LAMP5: variants seen among roughly 807,000 people sequenced by gnomAD.
LAMP5 encodes lysosome-associated membrane glycoprotein 5.
Under a neutral mutation model 30.2 loss-of-function variants are expected in LAMP5, and 36 were observed. The ratio of observed to expected loss-of-function variants is 1.19; its 90% CI spans 0.91 to 1.57. The LOEUF (loss-of-function observed/expected upper bound fraction) is 1.57. Ranked by LOEUF, LAMP5 falls within the 40% of genes most tolerant of loss-of-function variation. The pLI, the probability that LAMP5 is intolerant of heterozygous loss-of-function variation, is 0.00. For missense variants in LAMP5, 377 were observed against 354.9 expected (o/e 1.06, Z -0.50); for synonymous variants, 149 against 134.6 (o/e 1.11, Z -0.74).
chr20:9,518,011 C>G (rs763754684), intron 4 of LAMP5, 29 bp from the exon 5 acceptor site: 1 of 1,506,450 alleles, frequency 6.6e-7, no homozygotes, highest in South Asian at 1.1e-5. Context: ...AATGAGGGTT[C>G]TAACTATTGC....
intron 2 of LAMP5, 133 bp downstream of exon 2, chr20:9,515,758 C>A: frequency 1.9e-6 from 2 of 1,058,946 alleles, no homozygotes; most frequent in Non-Finnish European, 2.8e-6. Flanking sequence ...CCGAATGCTG[C>A]ATGGGGATTC....
At chr20:9,517,769 T>C (rs905991615) in intron 4 of LAMP5, among the ~76,000 whole-genome samples, 2 of 152,178 alleles carry the variant, frequency 1.3e-5, no homozygotes, top group Non-Finnish European at 2.9e-5. Flanking sequence ...CTAGGTTTTA[T>C]ACAGTAACAA....
At chr20:9,524,616 A>C (rs986074776) in intron 5 of LAMP5, among the ~76,000 whole-genome samples, 1 of 135,510 alleles carries the variant, frequency 7.4e-6, no homozygotes, top group African/African-American at 3.0e-5. Flanking sequence ...AAAAAAAAAA[A>C]CAAACAAAAA....
At chr20:9,515,359 C>A in intron 1 of LAMP5, 94 bp from the exon 2 acceptor site, 2 of 1,243,844 alleles carry the variant, frequency 1.6e-6, no homozygotes, top group Non-Finnish European at 2.3e-6. Flanking sequence ...AACTTTGTCA[C>A]TCCAAAGCCT....
chr20:9,528,322 G>GTGTGCA (rs1555892020), intron 5 of LAMP5, among the ~76,000 whole-genome samples: 2 of 73,062 alleles, frequency 2.7e-5, no homozygotes, highest in African/African-American at 1.9e-4. Flanking sequence ...GTGTGTGTGT[G>GTGTGCA]CGTGTGTGTG....
At chr20:9,521,826 G>GA (rs1173477468) in intron 5 of LAMP5, among the ~76,000 whole-genome samples, 5 of 152,112 alleles carry the variant, frequency 3.3e-5, no homozygotes, top group Non-Finnish European at 7.4e-5. Flanking sequence ...TATTATGTCA[G>GA]AAAAAATATA....
intron 5 of LAMP5, among the ~76,000 whole-genome samples, chr20:9,518,733 C>G (rs974312561): frequency 6.6e-6 from 1 of 152,226 alleles, no homozygotes; most frequent in Non-Finnish European, 1.5e-5. Context: ...TTTCTGGGCC[C>G]GTTTCTTCTT....
chr20:9,518,682 G>A (rs2122834047), intron 5 of LAMP5, among the ~76,000 whole-genome samples: 1 of 152,382 alleles, frequency 6.6e-6, no homozygotes, highest in East Asian at 1.9e-4. Context: ...TAAGACGTTA[G>A]TTAATCTAGA....
intron 5 of LAMP5, among the ~76,000 whole-genome samples, chr20:9,529,339 A>C (rs1156776377): frequency 6.6e-6 from 1 of 152,228 alleles, no homozygotes; most frequent in Non-Finnish European, 1.5e-5. Flanking sequence ...AATAAAAACA[A>C]TGATGATTGT....
intron 2 of LAMP5, 83 bp from the exon 3 acceptor site, chr20:9,515,917 C>T: frequency 2.1e-6 from 3 of 1,404,758 alleles, no homozygotes; most frequent in Non-Finnish European, 1.9e-6. Context: ...AGCGTGCAAC[C>T]CAGAGTTTGG....
At chr20:9,527,833 A>G (rs1460803778) in intron 5 of LAMP5, among the ~76,000 whole-genome samples, 1 of 152,286 alleles carries the variant, frequency 6.6e-6, no homozygotes, top group East Asian at 1.9e-4. Flanking sequence ...AGCACTATGA[A>G]GCTATCTTGA....
In LAMP5 at chr20:9,514,704, G is replaced by A; in HGVS notation, c.-149G>A. 1 of 660,322 alleles carries A rather than the reference G, an allele frequency of 1.5e-6. No individual in the cohort carries two copies. Among genetic ancestry groups the A allele is most frequent in the South Asian group, 1.9e-5 (1 of 54,016 alleles). 40.9% of individuals were successfully genotyped at this position (660,322 alleles called of 1,614,324 possible). ...CGCGCTCGACACCGAGTCCTAGCTA[G>A]GCGCTCACAGAATACGCGCTCCCTC... On this transcript the variant is annotated 5_prime_UTR_variant, in exon 1 of 6. Coordinates refer to ENST00000246070, the MANE Select transcript of LAMP5 (RefSeq NM_012261.4).
chr20:9,514,715 A>G lies in LAMP5; in HGVS notation c.-138A>G. ...CCGAGTCCTAGCTAGGCGCTCACAG[A>G]ATACGCGCTCCCTCCCTCCCCCTTC... On this transcript the variant is annotated 5_prime_UTR_variant, in exon 1 of 6. Transcript: ENST00000246070. The G allele has an allele frequency of 9.9e-6, 7 of 709,830 alleles. No individual in the cohort carries two copies. The highest frequency in any genetic ancestry group is 1.7e-5 in the Non-Finnish European group (7 of 419,456). 44.0% of individuals were successfully genotyped at this position (709,830 alleles called of 1,614,324 possible).
intron 5 of LAMP5, among the ~76,000 whole-genome samples, chr20:9,518,821 G>A (rs1465538272): frequency 2.0e-5 from 3 of 152,242 alleles, no homozygotes; most frequent in African/African-American, 7.2e-5. Context: ...CAGAGGGGGT[G>A]GGTGCGTATG....
At chr20:9,523,201 A>G (rs2045090529) in intron 5 of LAMP5, among the ~76,000 whole-genome samples, 1 of 152,162 alleles carries the variant, frequency 6.6e-6, no homozygotes, top group Non-Finnish European at 1.5e-5. Context: ...CTGATGTTAT[A>G]GGAGTCCAGG....
chr20:9,515,965 C>A, intron 2 of LAMP5, 35 bp from the exon 3 acceptor site: 4 of 1,472,108 alleles, frequency 2.7e-6, no homozygotes, highest in Non-Finnish European at 3.6e-6. Flanking sequence ...CGGGGCCGGG[C>A]GAGCTGAGGG....
intron 5 of LAMP5, among the ~76,000 whole-genome samples, chr20:9,527,766 G>A (rs919657377): frequency 6.6e-6 from 1 of 152,146 alleles, no homozygotes; most frequent in South Asian, 2.1e-4. Flanking sequence ...ACCACTAGAA[G>A]TTCTCCCAAG....
At position 9,514,982 on chromosome 20, in the gene LAMP5, G is replaced by A. The variant is rs2232260; in HGVS notation, c.64+66G>A. The A allele has an allele frequency of 3.9e-4, 559 of 1,430,110 alleles. 3 individuals carry two copies. In the East Asian group the frequency reaches 0.011, roughly 28 times the overall value. 88.6% of individuals were successfully genotyped at this position (1,430,110 alleles called of 1,614,324 possible). A position where few individuals can be genotyped will look rare whatever the true frequency, so the allele number is the denominator to read the frequency against. ...CTTTGCAGAGAACAGAGCCGGCAAA[G>A]TAAAGTCAATTAGCTTGAGATAAAA... On this transcript the variant is annotated intron_variant, in intron 1 of 5. Transcript: ENST00000246070.
At chr20:9,525,926 A>C (rs2045109199) in intron 5 of LAMP5, among the ~76,000 whole-genome samples, 2 of 152,162 alleles carry the variant, frequency 1.3e-5, no homozygotes, top group Non-Finnish European at 2.9e-5. Context: ...TAGATGTTGT[A>C]TTTCGGGCTT....
Sources: allele counts gnomAD v4.1 joint callset (sites outside exome capture counted in the v4.1 genomes callset), GRCh38; gene constraint gnomAD v4.1.1; transcripts MANE v1.5; gene names NCBI Gene and HGNC (gene_info 2026-07-23, HGNC 2026-07-21).